RNF169: variants seen among roughly 807,000 people sequenced by gnomAD.
The protein encoded by RNF169 is E3 ubiquitin-protein ligase RNF169.
A neutral mutation model predicts 53.9 loss-of-function variants in RNF169; 24 were observed. The ratio of observed to expected loss-of-function variants is 0.45; its 90% CI spans 0.32 to 0.63. The LOEUF is 0.63. RNF169 is among the 20% of genes least tolerant of loss of function. The pLI, the probability that RNF169 is intolerant of heterozygous loss-of-function variation, is 0.04. For missense variants in RNF169, 883 were observed against 906.2 expected (o/e 0.97, Z 0.33); for synonymous variants, 396 against 363.5 (o/e 1.09, Z -1.02).
chr11:74,834,852 C>G (rs2036230002), intron 5 of RNF169, 77 bp downstream of exon 5: 1 of 946,000 alleles, frequency 1.1e-6, no homozygotes, highest in Admixed American at 2.4e-5. Flanking sequence ...ATGAAATAAA[C>G]TATTCCAGAA....
intron 1 of RNF169, among the ~76,000 whole-genome samples, chr11:74,769,518 C>A (rs904724355): frequency 6.6e-6 from 1 of 152,036 alleles, no homozygotes; most frequent in Non-Finnish European, 1.5e-5. Context: ...TACATATGCA[C>A]ACACACAATG....
intron 2 of RNF169, among the ~76,000 whole-genome samples, chr11:74,793,025 A>G (rs763131017): frequency 1.2e-4 from 19 of 152,220 alleles, no homozygotes; most frequent in Non-Finnish European, 2.1e-4. Context: ...TGGCATATCC[A>G]TACAATGGCA....
intron 1 of RNF169, among the ~76,000 whole-genome samples, chr11:74,755,550 C>T (rs1487116205): frequency 2.0e-5 from 3 of 152,168 alleles, no homozygotes; most frequent in African/African-American, 7.2e-5. Context: ...CTTTAAGACT[C>T]CACAGTGTGG....
chr11:74,756,667 T>A (rs1359901453), intron 1 of RNF169, among the ~76,000 whole-genome samples: 2 of 152,084 alleles, frequency 1.3e-5, no homozygotes, highest in Non-Finnish European at 2.9e-5. Flanking sequence ...AATAGTACAT[T>A]TAAAGGCATA....
At chr11:74,803,785 G>C (rs1332193215) in intron 2 of RNF169, among the ~76,000 whole-genome samples, 11 of 152,200 alleles carry the variant, frequency 7.2e-5, no homozygotes, top group Admixed American at 7.2e-4. Flanking sequence ...CCTAGATTCA[G>C]TAATTATGTT....
At chr11:74,781,399 A>G (rs2035414617) in intron 1 of RNF169, among the ~76,000 whole-genome samples, 1 of 152,232 alleles carries the variant, frequency 6.6e-6, no homozygotes, top group Non-Finnish European at 1.5e-5. Flanking sequence ...AGATAAACCC[A>G]GAGACCAGAA....
intron 1 of RNF169, among the ~76,000 whole-genome samples, chr11:74,785,164 TATATATATGATATATATATATG>T (rs1177613752): frequency 1.6e-3 from 108 of 67,226 alleles, no homozygotes; most frequent in South Asian, 0.013. Context: ...TTTTTATATA[TATATATATGATATATATATATG>T]ATATATATAT....
At chr11:74,773,964 A>G (rs923574074) in intron 1 of RNF169, among the ~76,000 whole-genome samples, 1 of 152,250 alleles carries the variant, frequency 6.6e-6, no homozygotes, top group African/African-American at 2.4e-5. Flanking sequence ...CATGGAGCAC[A>G]TACCACATAT....
At chr11:74,792,386 A>G (rs1251519416) in intron 2 of RNF169, among the ~76,000 whole-genome samples, 1 of 152,162 alleles carries the variant, frequency 6.6e-6, no homozygotes, top group African/African-American at 2.4e-5. Context: ...GGTGAAGCAA[A>G]AGACATAGTA....
rs1019218814 is a variant in RNF169 at position 74,821,468 on chromosome 11, C to G, written c.842+3754C>G. Among the ~76,000 whole-genome samples the G allele has an allele frequency of 3.8e-5, 3 of 77,980 alleles. 1 individual carries two copies. Among genetic ancestry groups the G allele is most frequent in the African/African-American group, 3.2e-4 (3 of 9,248 alleles). 51.2% of individuals were successfully genotyped at this position (77,980 alleles called of 152,430 possible). A position where few individuals can be genotyped will look rare whatever the true frequency, so the allele number is the denominator to read the frequency against. On this transcript the variant is annotated intron_variant, in intron 4 of 5. Transcript: ENST00000299563. ...GGTCAGGAGATCGAGACCATCCCGG[C>G]TAAAATGGTGAAACCCCGTCTCTAC... is the stretch of plus-strand genomic sequence containing the variant.
chr11:74,820,015 C>G (rs1209328155), intron 4 of RNF169, among the ~76,000 whole-genome samples: 1 of 152,110 alleles, frequency 6.6e-6, no homozygotes, highest in Non-Finnish European at 1.5e-5. Context: ...TAGACAGAGA[C>G]TTACTGACAG....
rs1274513853 is a variant in RNF169 at position 74,749,226 on chromosome 11, C to T, written c.346C>T (p.Arg116Cys). The change falls in exon 1 of 6, where the codon CGT (arginine) becomes TGT (cysteine). Residue 116 changes from arginine (R) to cysteine (C), a missense_variant. Coordinates refer to ENST00000299563, the MANE Select transcript of RNF169 (RefSeq NM_001098638.2). ...CGCCCGCGGCCCAGGCTGGGCCCGC[C>T]GTCGGGCCCGCGACGACGGCCAGGC... Reference protein sequence around the residue: ...CRARGPGWARRRARDDGQADS... With the variant: ...CRARGPGWARCRARDDGQADS... 1.0e-5 allele frequency: 11 copies of T among 1,077,650 alleles called. No individual in the cohort carries two copies. The South Asian group carries it at 2.6e-4, about 25-fold the overall frequency. 66.8% of individuals were successfully genotyped at this position (1,077,650 alleles called of 1,614,324 possible).
At position 74,836,610 on chromosome 11, in the gene RNF169, C is replaced by T; in HGVS notation, c.2007C>T (p.Asp669=). ...MEQKLQQEEE[D]RQLALQLQRM... is the part of the protein sequence containing the mutation. ...AGAAGCTTCAGCAAGAGGAAGAAGA[C>T]CGACAGTTGGCTCTGCAGTTGCAGC... Residue 669 remains aspartate, a synonymous_variant, in exon 6 of 6, where the codon GAC becomes GAT. Transcript: ENST00000299563. 1 of 1,614,116 alleles carries T rather than the reference C, an allele frequency of 6.2e-7. No homozygotes were observed. The highest frequency in any genetic ancestry group is 8.5e-7 in the Non-Finnish European group (1 of 1,180,038).
intron 4 of RNF169, among the ~76,000 whole-genome samples, chr11:74,819,101 C>T (rs556319401): frequency 1.1e-4 from 17 of 151,276 alleles, no homozygotes; most frequent in African/African-American, 2.4e-4. Flanking sequence ...GTAGTAATGC[C>T]GGTAATGCCA....
At chr11:74,791,173 A>C (rs577685832) in intron 2 of RNF169, among the ~76,000 whole-genome samples, 5 of 152,250 alleles carry the variant, frequency 3.3e-5, no homozygotes, top group African/African-American at 1.2e-4. Context: ...GGAGATCCAC[A>C]GTGGGTAGCT....
chr11:74,768,606 T>TA (rs35118389), intron 1 of RNF169, among the ~76,000 whole-genome samples: 5,497 of 131,266 alleles, frequency 0.042, 312 homozygotes, highest in African/African-American at 0.14. Flanking sequence ...GACTCTGTCT[T>TA]AAAAAAAAAA....
At chr11:74,826,736 C>T (rs112009526) in intron 4 of RNF169, among the ~76,000 whole-genome samples, 4,558 of 152,324 alleles carry the variant, frequency 0.03, 63 homozygotes, top group Non-Finnish European at 0.038. Flanking sequence ...CTACAGGCCC[C>T]ATGCAAGTCT....
At chr11:74,774,352 A>AT (rs2035301423) in intron 1 of RNF169, among the ~76,000 whole-genome samples, 1 of 151,678 alleles carries the variant, frequency 6.6e-6, no homozygotes, top group East Asian at 1.9e-4. Context: ...TTTCAAAAAA[A>AT]AAAAACCCAA....
intron 1 of RNF169, among the ~76,000 whole-genome samples, chr11:74,776,830 G>A (rs954284244): frequency 1.3e-5 from 2 of 152,172 alleles, no homozygotes; most frequent in Non-Finnish European, 2.9e-5. Context: ...AAGTCCTAGT[G>A]GAGGCAGGAT....
Sources: gnomAD v4.1 joint callset for allele counts (sites outside exome capture counted in the v4.1 genomes callset) on GRCh38, gnomAD v4.1.1 for gene constraint, MANE v1.5 for transcripts, NCBI Gene and HGNC (gene_info 2026-07-23, HGNC 2026-07-21) for gene names.